The following PARP6 variants were observed in gnomAD, a reference collection of about 807,000 sequenced individuals.
The protein encoded by PARP6 is protein mono-ADP-ribosyltransferase PARP6.
PARP6 carries 27 observed loss-of-function variants against 92.0 expected under a neutral mutation model. The observed-to-expected ratio is 0.29, with a 90% CI of 0.22 to 0.40. PARP6 has a LOEUF of 0.40. PARP6 is among the 10% of genes least tolerant of loss of function. The probability of loss-of-function intolerance (pLI) is 1.00; values close to 1 mark genes in which losing one functional copy is unlikely to be tolerated. For missense variants in PARP6, 501 were observed against 784.5 expected (o/e 0.64, Z 4.32); for synonymous variants, 272 against 281.2 (o/e 0.97, Z 0.33).
intron 11 of PARP6, among the ~76,000 whole-genome samples, chr15:72,259,070 A>C (rs1346060005): frequency 2.6e-5 from 4 of 152,244 alleles, no homozygotes; most frequent in Non-Finnish European, 4.4e-5. Flanking sequence ...CAGTGAGGGG[A>C]GACATCACAT....
chr15:72,267,420 T>C, intron 3 of PARP6, 55 bp downstream of exon 3: 1 of 1,596,762 alleles, frequency 6.3e-7, no homozygotes, highest in East Asian at 2.2e-5. Flanking sequence ...GATCTGCACT[T>C]TGTCTCCTCT....
chr15:72,257,169 T>C (rs903953867), intron 13 of PARP6, among the ~76,000 whole-genome samples, 179 bp downstream of exon 13: 9 of 152,248 alleles, frequency 5.9e-5, no homozygotes, highest in Admixed American at 3.3e-4. Flanking sequence ...TATCCCATAA[T>C]TTCTTTAACT....
chr15:72,254,589 A>G, intron 14 of PARP6, 69 bp from the exon 15 acceptor site: 1 of 1,262,438 alleles, frequency 7.9e-7, no homozygotes, highest in Non-Finnish European at 1.2e-6. Context: ...TGTGATGAAA[A>G]GGGGCTAGAT....
chr15:72,252,637 C>T (rs1164145845), intron 16 of PARP6, among the ~76,000 whole-genome samples: 1 of 152,036 alleles, frequency 6.6e-6, no homozygotes, highest in Non-Finnish European at 1.5e-5. Context: ...AGGCATGGGC[C>T]ACCATGCCCA....
chr15:72,258,451 T>G (rs1479076993), intron 11 of PARP6, among the ~76,000 whole-genome samples: 1 of 152,220 alleles, frequency 6.6e-6, no homozygotes, highest in African/African-American at 2.4e-5. Flanking sequence ...ACAGCATTAT[T>G]CACCTCATAG....
At chr15:72,267,267 T>C in intron 3 of PARP6, 1 of 615,298 alleles carries the variant, frequency 1.6e-6, no homozygotes, top group Non-Finnish European at 2.9e-6. Context: ...TTAAAGTACT[T>C]AACTCTCCTC....
Position 72,266,685 on chromosome 15 carries a change from C to T in PARP6, c.81+60G>A, listed in dbSNP as rs147103693. 358 of 1,233,818 alleles carry T rather than the reference C, an allele frequency of 2.9e-4. No homozygotes were observed. The African/African-American group carries it at 4.7e-3, about 16-fold the overall frequency. The allele number at this position is 1,233,818 out of a possible 1,614,324, so 76.4% of individuals were successfully genotyped here. A position where few individuals can be genotyped will look rare whatever the true frequency, so the allele number is the denominator to read the frequency against. ...AGAACCTCTTTCACTCCTGATGTAT[C>T]CAAAAAGCAGCACATATCTAGACCA... is the stretch of plus-strand genomic sequence containing the variant. On this transcript the variant is annotated intron_variant, in intron 4 of 23. Transcript: ENST00000569795.
chr15:72,246,191 C>T (rs1484859276), intron 20 of PARP6, among the ~76,000 whole-genome samples: 1 of 152,178 alleles, frequency 6.6e-6, no homozygotes, highest in Non-Finnish European at 1.5e-5. Flanking sequence ...ACTCTGTTGC[C>T]CAGGCTAGAG....
chr15:72,265,568 G>A, intron 5 of PARP6, 95 bp from the exon 6 acceptor site: 1 of 963,768 alleles, frequency 1.0e-6, no homozygotes, highest in Non-Finnish European at 1.7e-6. Context: ...TGGGGACAGG[G>A]GAAAGGGAAG....
At chr15:72,243,183 A>C (rs2083254985) in intron 20 of PARP6, 1 of 155,712 alleles carries the variant, frequency 6.4e-6, no homozygotes. Flanking sequence ...TTTGCAGGCC[A>C]TGTTAAGGCA....
rs557907622 is a variant in PARP6 at position 72,258,245 on chromosome 15, G to A, written c.811-113C>T. On this transcript the variant is annotated intron_variant, in intron 11 of 23. Coordinates refer to ENST00000569795, the MANE Select transcript of PARP6 (RefSeq NM_001323532.2). ...TCCATCCTCCCAGCCCCGTGCCTAA[G>A]GTAGGATATATTCTTAGGCTGTGTA... The A allele has an allele frequency of 5.3e-6, 4 of 749,376 alleles. No homozygotes were observed. In the African/African-American group the frequency reaches 6.9e-5, roughly 13 times the overall value. The allele number at this position is 749,376 out of a possible 1,614,324, so 46.4% of individuals were successfully genotyped here. A position where few individuals can be genotyped will look rare whatever the true frequency, so the allele number is the denominator to read the frequency against.
chr15:72,259,487 C>T, intron 11 of PARP6, 121 bp downstream of exon 11: 1 of 757,834 alleles, frequency 1.3e-6, no homozygotes, highest in Non-Finnish European at 2.3e-6. Context: ...TTCCTTCTAC[C>T]ATTAGTTCTG....
intron 9 of PARP6, among the ~76,000 whole-genome samples, 192 bp downstream of exon 9, chr15:72,261,365 GA>G (rs879429807): frequency 3.9e-5 from 6 of 152,194 alleles, no homozygotes; most frequent in Non-Finnish European, 8.8e-5. Flanking sequence ...TTACATAAAG[GA>G]TTAGGTATTA....
intron 20 of PARP6, among the ~76,000 whole-genome samples, chr15:72,246,758 A>AT (rs1234284532): frequency 8.3e-4 from 70 of 84,332 alleles, no homozygotes; most frequent in South Asian, 4.6e-3. Flanking sequence ...CATATTTATT[A>AT]TTATTTTTTT....
At chr15:72,247,242 A>C (rs537476393) in intron 20 of PARP6, among the ~76,000 whole-genome samples, 1 of 152,004 alleles carries the variant, frequency 6.6e-6, no homozygotes, top group South Asian at 2.1e-4. Context: ...TGACATGATC[A>C]TGGCTCACTG....
At chr15:72,245,463 G>A (rs1419250031) in intron 20 of PARP6, 1 of 152,208 alleles carries the variant, frequency 6.6e-6, no homozygotes, top group Non-Finnish European at 1.5e-5. Flanking sequence ...AATTCAAGAT[G>A]AGATCTGGGT....
At chr15:72,251,069 A>C (rs1421286328) in intron 17 of PARP6, 115 bp from the exon 18 acceptor site, 2 of 986,506 alleles carry the variant, frequency 2.0e-6, no homozygotes, top group Non-Finnish European at 3.2e-6. Flanking sequence ...CACAAGGGAA[A>C]TATGCTAAGG....
chr15:72,249,710 T>C (rs994823457), intron 19 of PARP6, among the ~76,000 whole-genome samples: 3 of 152,260 alleles, frequency 2.0e-5, no homozygotes, highest in African/African-American at 4.8e-5. Flanking sequence ...ACTCCTTGAA[T>C]GAATAGCCAC....
At chr15:72,265,040 C>T in intron 7 of PARP6, 41 bp downstream of exon 7, 1 of 1,332,416 alleles carries the variant, frequency 7.5e-7, no homozygotes, top group Non-Finnish European at 1.1e-6. Flanking sequence ...TGGATTAGAC[C>T]ACACTCAGAC....
Sources: gnomAD v4.1 joint callset for allele counts (sites outside exome capture counted in the v4.1 genomes callset) on GRCh38, gnomAD v4.1.1 for gene constraint, MANE v1.5 for transcripts, NCBI Gene and HGNC (gene_info 2026-07-23, HGNC 2026-07-21) for gene names.